RNF170: variants seen among roughly 807,000 people sequenced by gnomAD.
RNF170 encodes the protein E3 ubiquitin-protein ligase RNF170.
In RNF170, 12 loss-of-function variants were observed where a neutral mutation model predicts 32.7. That is an observed-to-expected ratio of 0.37 (90% confidence interval 0.24 to 0.60). RNF170 has a LOEUF of 0.60. Among genes scored for constraint, RNF170 ranks in the 20% least tolerant of loss-of-function variants. RNF170 has a pLI of 0.72. For missense variants in RNF170, 212 were observed against 311.2 expected, an observed-to-expected ratio of 0.68 and a Z score of 2.40; for synonymous variants, 91 against 103.6, an observed-to-expected ratio of 0.88 and a Z score of 0.74.
chr8:42,876,439 C>T (rs1342887717), intron 2 of RNF170, among the ~76,000 whole-genome samples: 1 of 151,258 alleles, frequency 6.6e-6, no homozygotes, highest in East Asian at 1.9e-4. Context: ...GATTAGTGCC[C>T]TTATAAAAAG....
rs536147613 is a variant in RNF170 at position 42,863,418 on chromosome 8, T to A, written c.397-1563A>T. 1.1e-4 allele frequency among the ~76,000 whole-genome samples: 16 copies of A among 151,960 alleles called. No homozygotes were observed. In the South Asian group the frequency reaches 3.3e-3, roughly 32 times the overall value. ...ACCGAGAGCAAAAGATGCCAAGAAG[T>A]AGTACGGGCAAATAAGCTTCAATTT... On this transcript the variant is annotated intron_variant, in intron 5 of 6. Coordinates refer to ENST00000527424, the MANE Select transcript of RNF170 (RefSeq NM_030954.4).
At chr8:42,876,479 C>T (rs965899330) in intron 2 of RNF170, among the ~76,000 whole-genome samples, 2 of 151,784 alleles carry the variant, frequency 1.3e-5, no homozygotes, top group Non-Finnish European at 2.9e-5. Flanking sequence ...CCCTGCTCTA[C>T]TCTCTTCCAT....
At chr8:42,852,900 G>A (rs557307068), downstream of RNF170, among the ~76,000 whole-genome samples, 7 of 151,950 alleles carry the variant, frequency 4.6e-5, no homozygotes, top group Non-Finnish European at 8.8e-5. Context: ...TTGGAAGGCT[G>A]AGCCTGGGAG....
At chr8:42,865,237 T>C (rs1009326240) in intron 5 of RNF170, among the ~76,000 whole-genome samples, 179 bp downstream of exon 5, 2 of 149,602 alleles carry the variant, frequency 1.3e-5, no homozygotes, top group Non-Finnish European at 3.0e-5. Context: ...AAGACCTTTT[T>C]TCAAAAAAAA....
At chr8:42,869,728 C>A (rs1278857779) in intron 4 of RNF170, among the ~76,000 whole-genome samples, 1 of 152,212 alleles carries the variant, frequency 6.6e-6, no homozygotes, top group African/African-American at 2.4e-5. Flanking sequence ...ACTGTCCAAA[C>A]AAACACATTT....
intron 4 of RNF170, among the ~76,000 whole-genome samples, chr8:42,867,271 AGACCAGCCT>A (rs1804153796): frequency 6.6e-6 from 1 of 151,988 alleles, no homozygotes; most frequent in South Asian, 2.1e-4. Context: ...TGGGAGTTCG[AGACCAGCCT>A]GACCAACATG....
rs533503043 is a variant in RNF170, at chr8:42,855,457, C to T, written c.*702G>A. 9.2e-5 allele frequency: 84 copies of T among 911,510 alleles called. No individual in the cohort carries two copies. The East Asian group carries it at 3.6e-3, about 39-fold the overall frequency. 56.5% of individuals were successfully genotyped at this position (911,510 alleles called of 1,614,324 possible). A position where few individuals can be genotyped will look rare whatever the true frequency, so the allele number is the denominator to read the frequency against. ...TGATCTCCTGACCTTGTGATCTACC[C>T]GCCTCAGCCTCCCAAAGTGCTAGGA... On this transcript the variant is annotated 3_prime_UTR_variant, in exon 7 of 7. Coordinates refer to ENST00000527424, the MANE Select transcript of RNF170 (RefSeq NM_030954.4).
chr8:42,888,560 C>G (rs571553515), intron 1 of RNF170, among the ~76,000 whole-genome samples: 10 of 151,338 alleles, frequency 6.6e-5, no homozygotes, highest in Non-Finnish European at 1.2e-4. Flanking sequence ...GTCAGAAGTT[C>G]GAGACCAGCC....
chr8:42,852,927 G>T (rs1802979122), downstream of RNF170, among the ~76,000 whole-genome samples: 1 of 151,624 alleles, frequency 6.6e-6, no homozygotes, highest in Non-Finnish European at 1.5e-5. Context: ...ACCAGCCTGG[G>T]CAACACAGCC....
chr8:42,865,133 T>A (rs1370589451), intron 5 of RNF170, among the ~76,000 whole-genome samples: 3 of 151,858 alleles, frequency 2.0e-5, no homozygotes, highest in Non-Finnish European at 4.4e-5. Flanking sequence ...GGCACATGCC[T>A]ATAGTCCCAG....
Position 42,861,824 on chromosome 8 carries a change from T to C in RNF170, c.428A>G (p.Asp143Gly). 6.2e-7 allele frequency: 1 copy of C among 1,613,898 alleles called. No homozygotes were observed. The highest frequency in any genetic ancestry group is 1.1e-5 in the South Asian group (1 of 91,070). The change falls in exon 6 of 7, where the codon GAT becomes GGT. Residue 143 changes from aspartate (D) to glycine (G), a missense_variant. Coordinates refer to ENST00000527424, the MANE Select transcript of RNF170 (RefSeq NM_030954.4). ...TCTCAGAACATCCTGAGACTGATCA[T>C]CTTCACCAAATACTGTTAGGAGTAA... ...VTLLLTVFGE[D>G]DQSQDVLRLH...
chr8:42,853,856 A>C lies in RNF170; in HGVS notation c.*2303T>G. On this transcript the variant is annotated 3_prime_UTR_variant, in exon 7 of 7. Coordinates refer to ENST00000527424, the MANE Select transcript of RNF170 (RefSeq NM_030954.4). ...ATCATTTAGTATTTTTTTATGTTAC[A>C]AAATTTGGTACAATACACCTCTTTC... The C allele has an allele frequency of 1.6e-6, 2 of 1,286,760 alleles. No homozygotes were observed. Among genetic ancestry groups the C allele is most frequent in the Non-Finnish European group, 2.0e-6 (2 of 988,326 alleles). 79.7% of individuals were successfully genotyped at this position (1,286,760 alleles called of 1,614,324 possible). A position where few individuals can be genotyped will look rare whatever the true frequency, so the allele number is the denominator to read the frequency against.
At chr8:42,864,600 C>T (rs544328718) in intron 5 of RNF170, among the ~76,000 whole-genome samples, 4 of 152,090 alleles carry the variant, frequency 2.6e-5, no homozygotes, top group South Asian at 4.1e-4. Context: ...TTCAGTCTCA[C>T]GTTCATGCTT....
chr8:42,867,804 AAG>A (rs1278895894), intron 4 of RNF170, among the ~76,000 whole-genome samples: 2 of 151,158 alleles, frequency 1.3e-5, no homozygotes, highest in Non-Finnish European at 2.9e-5. Flanking sequence ...AAAAAAGAAA[AAG>A]AAATACAAAA....
intron 2 of RNF170, among the ~76,000 whole-genome samples, chr8:42,878,769 T>C (rs749603742): frequency 1.8e-4 from 28 of 152,350 alleles, no homozygotes; most frequent in South Asian, 2.1e-4. Context: ...AGATGGCATA[T>C]AGGACTTTCA....
chr8:42,856,812 T>G (rs1223247092), intron 6 of RNF170, among the ~76,000 whole-genome samples: 1 of 152,174 alleles, frequency 6.6e-6, no homozygotes, highest in African/African-American at 2.4e-5. Flanking sequence ...GAATTCAAAA[T>G]CAATCACTTA....
intron 6 of RNF170, among the ~76,000 whole-genome samples, chr8:42,859,835 A>T (rs1268623048): frequency 1.3e-5 from 2 of 152,088 alleles, no homozygotes; most frequent in Non-Finnish European, 2.9e-5. Flanking sequence ...TTTTTGGTAG[A>T]GACAAAGTCT....
chr8:42,893,188 G>T (rs1806459266), intron 1 of RNF170, among the ~76,000 whole-genome samples: 1 of 152,130 alleles, frequency 6.6e-6, no homozygotes, highest in African/African-American at 2.4e-5. Context: ...GGCCACTAAA[G>T]GTTGTTTACA....
At chr8:42,865,351 C>T in intron 5 of RNF170, 65 bp downstream of exon 5, 3 of 1,311,884 alleles carry the variant, frequency 2.3e-6, no homozygotes, top group Non-Finnish European at 3.3e-6. Context: ...AATGTAGATA[C>T]AAAAACTATA....
Sources: allele counts gnomAD v4.1 joint callset (sites outside exome capture counted in the v4.1 genomes callset), GRCh38; gene constraint gnomAD v4.1.1; transcripts MANE v1.5; gene names NCBI Gene and HGNC (gene_info 2026-07-23, HGNC 2026-07-21).